PLCB4: variants seen among roughly 807,000 people sequenced by gnomAD.
The protein encoded by PLCB4 is 1-phosphatidylinositol 4,5-bisphosphate phosphodiesterase beta-4.
In PLCB4, 77 loss-of-function variants were observed where a neutral mutation model predicts 178.8. The ratio of observed to expected loss-of-function variants is 0.43; its 90% CI spans 0.36 to 0.52. The LOEUF (loss-of-function observed/expected upper bound fraction) is 0.52, where lower values mean the gene tolerates loss of function less well. PLCB4 is among the 20% of genes least tolerant of loss of function. PLCB4 has a pLI of 0.00. For missense variants in PLCB4, 1,024 were observed against 1,453.4 expected (o/e 0.70, Z 4.80); for synonymous variants, 496 against 490.8 (o/e 1.01, Z -0.14).
chr20:9,115,039 G>T (rs1054382354), intron 2 of PLCB4, among the ~76,000 whole-genome samples: 2 of 152,146 alleles, frequency 1.3e-5, no homozygotes, highest in African/African-American at 2.4e-5. Flanking sequence ...TGAGGTGTTA[G>T]TTCTGCAAAT....
chr20:9,468,873 T>C (rs2043984221), intron 36 of PLCB4, among the ~76,000 whole-genome samples: 1 of 152,248 alleles, frequency 6.6e-6, no homozygotes, highest in Admixed American at 6.5e-5. Context: ...GGTTGCTTAC[T>C]ACCACCAGTA....
At chr20:9,070,595 A>T (rs1160234728) in intron 1 of PLCB4, among the ~76,000 whole-genome samples, 1 of 152,184 alleles carries the variant, frequency 6.6e-6, no homozygotes, top group Non-Finnish European at 1.5e-5. Context: ...TTCCTTTTGA[A>T]CTGTAGTAGT....
At chr20:9,110,214 C>T (rs141596435) in intron 2 of PLCB4, among the ~76,000 whole-genome samples, 2,441 of 151,196 alleles carry the variant, frequency 0.016, 38 homozygotes, top group South Asian at 0.023. Context: ...TTTTTTAAAA[C>T]ATATAATAAA....
chr20:9,150,690 C>T (rs573440193), intron 2 of PLCB4, among the ~76,000 whole-genome samples: 1 of 152,220 alleles, frequency 6.6e-6, no homozygotes, highest in East Asian at 1.9e-4. Context: ...TGACCTGCCC[C>T]AGGTCACCCA....
Position 9,380,173 on chromosome 20 carries a change from T to C in PLCB4, c.853+11T>C, listed in dbSNP as rs1425869981. 7 of 1,268,752 alleles carry C rather than the reference T, an allele frequency of 5.5e-6. No homozygotes were observed. The highest frequency in any genetic ancestry group is 7.7e-6 in the Non-Finnish European group (7 of 906,136). The allele number at this position is 1,268,752 out of a possible 1,614,324, so 78.6% of individuals were successfully genotyped here. On this transcript the variant is annotated intron_variant, in intron 13 of 39. Coordinates refer to ENST00000378473, the MANE Select transcript of PLCB4 (RefSeq NM_001377142.1). ...ATTTGAAGAAAAAAGGTAATAAACA[T>C]GAAAAAAGGACTTAAAAAAAAAAAC...
intron 28 of PLCB4, among the ~76,000 whole-genome samples, chr20:9,429,542 T>C (rs2041253514): frequency 6.6e-6 from 1 of 152,242 alleles, no homozygotes. Context: ...TCAAGTTATT[T>C]TTCTGGGCTG....
chr20:9,218,628 T>C (rs1195796428), intron 3 of PLCB4, among the ~76,000 whole-genome samples: 1 of 152,208 alleles, frequency 6.6e-6, no homozygotes, highest in African/African-American at 2.4e-5. Context: ...TACTTCATTA[T>C]CTTCTGGCAG....
chr20:9,228,551 G>C (rs1036197365), intron 3 of PLCB4, among the ~76,000 whole-genome samples: 8 of 152,158 alleles, frequency 5.3e-5, no homozygotes, highest in African/African-American at 1.9e-4. Context: ...GGGGTGGATA[G>C]AAAAGGGCTT....
At chr20:9,196,043 G>A (rs1314848173) in intron 2 of PLCB4, among the ~76,000 whole-genome samples, 1 of 152,150 alleles carries the variant, frequency 6.6e-6, no homozygotes, top group African/African-American at 2.4e-5. Flanking sequence ...AAAAGCAGAC[G>A]TTACAGTTTT....
At chr20:9,292,496 G>A (rs1395974209) in intron 3 of PLCB4, among the ~76,000 whole-genome samples, 2 of 152,138 alleles carry the variant, frequency 1.3e-5, no homozygotes, top group African/African-American at 2.4e-5. Context: ...CACCAGTGAG[G>A]ACCTAGGTGC....
chr20:9,270,578 A>G (rs946782540), intron 3 of PLCB4, among the ~76,000 whole-genome samples: 8 of 152,148 alleles, frequency 5.3e-5, no homozygotes, highest in African/African-American at 1.9e-4. Context: ...AAAGAATCAC[A>G]TATTTCCTTT....
At chr20:9,265,106 A>G (rs2094335793) in intron 3 of PLCB4, among the ~76,000 whole-genome samples, 2 of 152,184 alleles carry the variant, frequency 1.3e-5, no homozygotes, top group Admixed American at 1.3e-4. Flanking sequence ...TATTTCTAAA[A>G]AGAGAATGAC....
intron 9 of PLCB4, among the ~76,000 whole-genome samples, chr20:9,367,166 C>T (rs2148268453): frequency 6.6e-6 from 1 of 152,340 alleles, no homozygotes; most frequent in East Asian, 1.9e-4. Flanking sequence ...CCTCATTTTT[C>T]TCAATCTTGT....
At chr20:9,432,122 G>T (rs16995911) in intron 28 of PLCB4, among the ~76,000 whole-genome samples, 30 of 151,956 alleles carry the variant, frequency 2.0e-4, no homozygotes, top group Admixed American at 1.9e-3. Flanking sequence ...GAACTATGCC[G>T]ATATAATATA....
intron 4 of PLCB4, among the ~76,000 whole-genome samples, chr20:9,320,314 G>GT (rs1333392696): frequency 6.6e-5 from 10 of 152,330 alleles, no homozygotes; most frequent in African/African-American, 2.4e-4. Flanking sequence ...CAAGGCAGTG[G>GT]TAAGAATGTC....
At chr20:9,114,314 G>T (rs373029707) in intron 2 of PLCB4, among the ~76,000 whole-genome samples, 2 of 152,112 alleles carry the variant, frequency 1.3e-5, no homozygotes, top group Admixed American at 6.6e-5. Context: ...CAGAGGGGTG[G>T]TGCTGATGCT....
chr20:9,177,278 G>A (rs763456792), intron 2 of PLCB4, among the ~76,000 whole-genome samples: 3 of 152,154 alleles, frequency 2.0e-5, no homozygotes, highest in Non-Finnish European at 4.4e-5. Flanking sequence ...TGGAATTGCT[G>A]AATAGTGTTC....
intron 3 of PLCB4, among the ~76,000 whole-genome samples, chr20:9,265,168 T>C (rs999280972): frequency 6.6e-6 from 1 of 151,946 alleles, no homozygotes; most frequent in Non-Finnish European, 1.5e-5. Flanking sequence ...CAGTGAGTGA[T>C]TGAGGTGTAC....
chr20:9,421,112 G>T (rs532052488), intron 26 of PLCB4, among the ~76,000 whole-genome samples, 185 bp from the exon 27 acceptor site: 6 of 151,918 alleles, frequency 3.9e-5, no homozygotes, highest in Non-Finnish European at 5.9e-5. Flanking sequence ...AACAGCTGGG[G>T]TTTTTTTGCC....
Sources: gnomAD v4.1 joint callset for allele counts (sites outside exome capture counted in the v4.1 genomes callset) on GRCh38, gnomAD v4.1.1 for gene constraint, MANE v1.5 for transcripts, NCBI Gene and HGNC (gene_info 2026-07-23, HGNC 2026-07-21) for gene names.